KYAT3: variants seen among roughly 807,000 people sequenced by gnomAD.
KYAT3 encodes kynurenine--oxoglutarate transaminase 3.
KYAT3 carries 50 observed loss-of-function variants against 59.0 expected under a neutral mutation model. That is an observed-to-expected ratio of 0.85 (90% confidence interval 0.68 to 1.07). The LOEUF is 1.07. Among genes scored for constraint, KYAT3 ranks in the 50% least tolerant of loss-of-function variants. The pLI, the probability that KYAT3 is intolerant of heterozygous loss-of-function variation, is 0.00. For missense variants in KYAT3, 497 were observed against 533.3 expected (o/e 0.93, Z 0.67); for synonymous variants, 148 against 177.0 (o/e 0.84, Z 1.30).
At chr1:88,969,934 G>C (rs971185476) in intron 2 of KYAT3, among the ~76,000 whole-genome samples, 1 of 152,102 alleles carries the variant, frequency 6.6e-6, no homozygotes, top group Non-Finnish European at 1.5e-5. Context: ...TGGGATTACA[G>C]GTGTGAGCTA....
At position 88,935,801 on chromosome 1, in the gene KYAT3, G is replaced by A. The variant is rs114764964; in HGVS notation, c.*382C>T. ...GGCTAAAGTCAGATGAGTGTTTATT[G>A]TTTGCCAGGCTTTTTGCATACATTA... On this transcript the variant is annotated 3_prime_UTR_variant, in exon 14 of 14. Transcript: ENST00000260508. 6.7e-3 allele frequency: 2,687 copies of A among 398,102 alleles called. 14 individuals carry two copies. The highest frequency in any genetic ancestry group is 9.6e-3 in the Non-Finnish European group (2,159 of 225,614). 24.7% of individuals were successfully genotyped at this position (398,102 alleles called of 1,614,324 possible).
chr1:88,981,711 C>A, intron 2 of KYAT3: 2 of 183,066 alleles, frequency 1.1e-5, no homozygotes, highest in South Asian at 3.1e-4. Flanking sequence ...TACTGTGAAT[C>A]AATCAGCACT....
chr1:88,988,943 T>C (rs539364939), intron 1 of KYAT3, among the ~76,000 whole-genome samples: 22 of 152,362 alleles, frequency 1.4e-4, no homozygotes, highest in East Asian at 5.8e-4. Context: ...ATGATAGGCA[T>C]GCATTCTGAA....
At chr1:88,984,695 T>TA in intron 2 of KYAT3, among the ~76,000 whole-genome samples, 1 of 152,330 alleles carries the variant, frequency 6.6e-6, no homozygotes, top group East Asian at 1.9e-4. Context: ...AATAGAAAAC[T>TA]ATGCACTGGC....
At position 88,941,188 on chromosome 1, in the gene KYAT3, C is replaced by T. The variant is rs557617991; in HGVS notation, c.1302+1817G>A. On this transcript the variant is annotated intron_variant, in intron 13 of 13. Coordinates refer to ENST00000260508, the MANE Select transcript of KYAT3 (RefSeq NM_001008661.3). ...AGATGAAGGATATTAATAGCATTACCGTTCTTTAAAATTTCAGTCAATTGA... is the reference window on the plus strand; with the variant it reads ...AGATGAAGGATATTAATAGCATTACTGTTCTTTAAAATTTCAGTCAATTGA... Among the ~76,000 whole-genome samples, 6 of 152,202 alleles carry T rather than the reference C, an allele frequency of 3.9e-5. No individual in the cohort carries two copies. In the South Asian group the frequency reaches 8.3e-4, roughly 21 times the overall value.
Position 88,962,190 on chromosome 1 carries a change from C to T in KYAT3, c.454-45G>A, listed in dbSNP as rs776562942. On this transcript the variant is annotated intron_variant, in intron 5 of 13. Coordinates refer to ENST00000260508, the MANE Select transcript of KYAT3 (RefSeq NM_001008661.3). ...GATCACAACCTGTCAATCATTTATT[C>T]ATGTTAATAATACTGTGTACCTACT... 3.0e-6 allele frequency: 4 copies of T among 1,336,930 alleles called. No individual in the cohort carries two copies. In the Middle Eastern group the frequency reaches 5.4e-4, roughly 182 times the overall value. 82.8% of individuals were successfully genotyped at this position (1,336,930 alleles called of 1,614,324 possible). A position where few individuals can be genotyped will look rare whatever the true frequency, so the allele number is the denominator to read the frequency against.
chr1:88,973,583 G>T (rs1676641307), intron 2 of KYAT3, among the ~76,000 whole-genome samples: 1 of 152,102 alleles, frequency 6.6e-6, no homozygotes, highest in East Asian at 1.9e-4. Flanking sequence ...ATATGACTTT[G>T]GCTACCAGGG....
In KYAT3 at chr1:88,955,179, A is replaced by G. The variant is rs376708393; in HGVS notation, c.834T>C (p.Ala278=). 9 of 1,612,434 alleles carry G rather than the reference A, an allele frequency of 5.6e-6. No individual in the cohort carries two copies. In the African/African-American group the frequency reaches 1.1e-4, roughly 19 times the overall value. The change falls in exon 9 of 14, where the codon GCT becomes GCC. Residue 278 remains alanine, a synonymous_variant. Transcript: ENST00000260508. ...AGCCAGTTACACTGAAAGTCTTTCC[A>G]GCACTTCCTATTGTTATTGTTCTCT... The part of the protein sequence containing the change: ...MWERTITIGS[A]GKTFSVTGWK...
At chr1:88,944,752 T>C (rs970317848) in intron 11 of KYAT3, among the ~76,000 whole-genome samples, 2 of 152,156 alleles carry the variant, frequency 1.3e-5, no homozygotes, top group African/African-American at 4.8e-5. Flanking sequence ...AAGGAGTGAA[T>C]ACCTAAGGGA....
chr1:88,975,789 C>T (rs117709772), intron 2 of KYAT3, among the ~76,000 whole-genome samples: 4,117 of 152,210 alleles, frequency 0.027, 153 homozygotes, highest in African/African-American at 0.079. Context: ...AGTCTCAGCA[C>T]TTTGGGAGGC....
At chr1:88,983,188 C>T in intron 2 of KYAT3, 1 of 1,612,718 alleles carries the variant, frequency 6.2e-7, no homozygotes, top group East Asian at 2.2e-5. Flanking sequence ...TAGTAGAATA[C>T]CCATCATCTC....
In KYAT3 at chr1:88,969,409, C is replaced by A. The variant is rs768130523; in HGVS notation, c.158G>T (p.Trp53Leu). 1 of 1,540,170 alleles carries A rather than the reference C, an allele frequency of 6.5e-7. No homozygotes were observed. The highest frequency in any genetic ancestry group is 1.7e-5 in the Admixed American group (1 of 58,978). The change falls in exon 3 of 14, where the codon TGG becomes TTG. Residue 53 changes from tryptophan (W) to leucine (L), a missense_variant and splice_region_variant. Physicochemically the swap from Trp to Leu is moderately conservative, Grantham distance 61. This residue lies in a region of KYAT3 where 469 missense variants were observed against 479.1 expected (regional missense o/e 0.98). Transcript: ENST00000260508. ...KRIEGLDSNV[W>L]IEFTKLAADP... Reference sequence around the variant, plus strand: ...TTATTATTTATTTTAAGATACTCACCACACATTACTATCAAGTCCTTCAAT... The same window carrying A: ...TTATTATTTATTTTAAGATACTCACAACACATTACTATCAAGTCCTTCAAT...
chr1:88,955,621 T>C (rs1358722719), intron 8 of KYAT3, among the ~76,000 whole-genome samples: 2 of 152,176 alleles, frequency 1.3e-5, no homozygotes, highest in African/African-American at 4.8e-5. Context: ...TAGGTTGTGA[T>C]CCTGATTATT....
At chr1:88,932,265 G>A (rs1570762300), downstream of KYAT3, among the ~76,000 whole-genome samples, 1 of 152,104 alleles carries the variant, frequency 6.6e-6, no homozygotes, top group African/African-American at 2.4e-5. Flanking sequence ...AATTTTCATT[G>A]CCATATGATA....
downstream of KYAT3, among the ~76,000 whole-genome samples, chr1:88,933,976 T>C (rs1448715887): frequency 3.3e-5 from 5 of 152,126 alleles, no homozygotes; most frequent in African/African-American, 7.2e-5. Context: ...GAAGGAAGGA[T>C]GGATGATGAT....
the KYAT3 span, among the ~76,000 whole-genome samples, chr1:88,928,995 A>T: frequency 6.6e-6 from 1 of 152,098 alleles, no homozygotes; most frequent in Non-Finnish European, 1.5e-5. Flanking sequence ...TAGGAGAAGG[A>T]ACACTCGTTT....
At chr1:88,951,200 C>T (rs1325056111) in intron 10 of KYAT3, among the ~76,000 whole-genome samples, 1 of 151,888 alleles carries the variant, frequency 6.6e-6, no homozygotes, top group Non-Finnish European at 1.5e-5. Flanking sequence ...TTTTATCTTT[C>T]TTCTTCATAT....
chr1:88,982,764 C>T (rs2101082427), intron 2 of KYAT3: 1 of 1,613,952 alleles, frequency 6.2e-7, no homozygotes, highest in South Asian at 1.1e-5. Flanking sequence ...GAAGGGTACC[C>T]CCTTTCTACA....
rs1570765757 is a variant in KYAT3, at chr1:88,936,043, G to T, written c.*140C>A. Reference sequence around the variant, plus strand: ...CCCCGAAAATGTTGTTAGGAGTTGGGTTAACTGCTTTGGAAAAACAATGGA... The same window carrying T: ...CCCCGAAAATGTTGTTAGGAGTTGGTTTAACTGCTTTGGAAAAACAATGGA... On this transcript the variant is annotated 3_prime_UTR_variant, in exon 14 of 14. Transcript: ENST00000260508. The T allele has an allele frequency of 1.7e-6, 1 of 600,278 alleles. No individual in the cohort carries two copies. Among genetic ancestry groups the T allele is most frequent in the African/African-American group, 1.8e-5 (1 of 55,048 alleles). The allele number at this position is 600,278 out of a possible 1,614,324, so 37.2% of individuals were successfully genotyped here. A position where few individuals can be genotyped will look rare whatever the true frequency, so the allele number is the denominator to read the frequency against.
Sources: allele counts gnomAD v4.1 joint callset (sites outside exome capture counted in the v4.1 genomes callset), GRCh38; gene constraint gnomAD v4.1.1; regional missense constraint gnomAD v4.1.1; transcripts MANE v1.5; gene names NCBI Gene and HGNC (gene_info 2026-07-23, HGNC 2026-07-21).